Variants in NAV3 observed in about 807,000 individuals in gnomAD.
The protein encoded by NAV3 is pore membrane and/or filament interacting like protein 1.
In NAV3, 87 loss-of-function variants were observed where a neutral mutation model predicts 244.7. That is an observed-to-expected ratio of 0.36 (90% CI 0.30 to 0.42). The LOEUF (loss-of-function observed/expected upper bound fraction) is 0.42, where lower values mean the gene tolerates loss of function less well. NAV3 is among the 20% of genes least tolerant of loss of function. NAV3 has a pLI of 1.00. For synonymous variants in NAV3, 1,126 were observed against 1,042.2 expected (o/e 1.08, Z -1.55); for missense variants, 2,663 against 2,893.3 (o/e 0.92, Z 1.83).
chr12:78,145,028 G>A (rs576286004), intron 20 of NAV3: 5 of 293,866 alleles, frequency 1.7e-5, no homozygotes, highest in Non-Finnish European at 3.4e-5. Flanking sequence ...ATAGTTAATT[G>A]TGCCATATGT....
chr12:77,692,731 C>T (rs1875094185), intron 2 of NAV3, among the ~76,000 whole-genome samples: 1 of 151,714 alleles, frequency 6.6e-6, no homozygotes, highest in Non-Finnish European at 1.5e-5. Flanking sequence ...TGTTAGTTTA[C>T]AAAAGAAATA....
chr12:78,079,116 T>C (rs1200483414), intron 12 of NAV3, among the ~76,000 whole-genome samples: 1 of 152,148 alleles, frequency 6.6e-6, no homozygotes, highest in Non-Finnish European at 1.5e-5. Flanking sequence ...GCCTTGGTGT[T>C]AGAAAGTGTC....
chr12:78,041,595 A>G (rs1341338813), intron 9 of NAV3, among the ~76,000 whole-genome samples: 5 of 152,138 alleles, frequency 3.3e-5, no homozygotes, highest in African/African-American at 1.2e-4. Context: ...TGCTACTGGA[A>G]GGAGCCATCT....
At chr12:77,880,330 G>A (rs1332233618) in intron 1 of NAV3, among the ~76,000 whole-genome samples, 1 of 152,126 alleles carries the variant, frequency 6.6e-6, no homozygotes, top group Non-Finnish European at 1.5e-5. Context: ...CATATAAAAT[G>A]TGATTTTCAG....
In NAV3 at chr12:78,061,770, T is replaced by C. The variant is rs1015054553; in HGVS notation, c.2636+2655T>C. Among the ~76,000 whole-genome samples, 4 of 152,162 alleles carry C rather than the reference T, an allele frequency of 2.6e-5. No homozygotes were observed. The East Asian group carries it at 7.7e-4, about 29-fold the overall frequency. Reference sequence around the variant, plus strand: ...ATTCTGTTATCCATTTCAAGTAGGATAGGCAAGAACAGATATAAGATACTA... The same window carrying C: ...ATTCTGTTATCCATTTCAAGTAGGACAGGCAAGAACAGATATAAGATACTA... On this transcript the variant is annotated intron_variant, in intron 12 of 39. Coordinates refer to ENST00000397909, the MANE Select transcript of NAV3 (RefSeq NM_001024383.2).
chr12:77,876,971 G>T (rs1318451647), intron 1 of NAV3, among the ~76,000 whole-genome samples: 2 of 152,032 alleles, frequency 1.3e-5, no homozygotes, highest in African/African-American at 2.4e-5. Context: ...CAGTACTTAA[G>T]AATTGTCTTA....
intron 2 of NAV3, among the ~76,000 whole-genome samples, chr12:77,694,664 A>G (rs1354313300): frequency 6.6e-6 from 1 of 152,090 alleles, no homozygotes; most frequent in Non-Finnish European, 1.5e-5. Flanking sequence ...GATACTTAAT[A>G]TTGTCAAAAA....
intron 2 of NAV3, 66 bp from the exon 3 acceptor site, chr12:77,941,015 G>A: frequency 9.9e-7 from 1 of 1,008,752 alleles, no homozygotes; most frequent in South Asian, 1.4e-5. Flanking sequence ...TCGTGTGTGT[G>A]TTTCACTTCA....
chr12:77,707,962 T>A (rs1875910977), intron 2 of NAV3, among the ~76,000 whole-genome samples: 2 of 152,060 alleles, frequency 1.3e-5, no homozygotes, highest in African/African-American at 4.8e-5. Flanking sequence ...ATATTAGCCC[T>A]TTGTCAGATG....
At chr12:77,961,183 T>C (rs1175258240) in intron 3 of NAV3, among the ~76,000 whole-genome samples, 1 of 143,578 alleles carries the variant, frequency 7.0e-6, no homozygotes, top group Non-Finnish European at 1.5e-5. Context: ...TAAGACATAT[T>C]TGCAATATAT....
chr12:77,778,766 AT>A (rs1870519027), intron 2 of NAV3, among the ~76,000 whole-genome samples: 1 of 152,186 alleles, frequency 6.6e-6, no homozygotes, highest in Admixed American at 6.5e-5. Context: ...ATCCTCACTA[AT>A]AAATGTTCAC....
At chr12:77,585,768 G>C (rs1403388448) in intron 2 of NAV3, among the ~76,000 whole-genome samples, 1 of 152,208 alleles carries the variant, frequency 6.6e-6, no homozygotes, top group African/African-American at 2.4e-5. Flanking sequence ...CCACAAGCCA[G>C]TACTGGTCCA....
intron 2 of NAV3, among the ~76,000 whole-genome samples, chr12:77,585,045 A>C (rs1364789967): frequency 1.3e-5 from 2 of 152,190 alleles, no homozygotes; most frequent in Non-Finnish European, 2.9e-5. Context: ...AGACAAGATA[A>C]ACCCCGTTCT....
intron 7 of NAV3, among the ~76,000 whole-genome samples, chr12:78,004,646 G>T (rs1372418917): frequency 6.6e-6 from 1 of 152,210 alleles, no homozygotes; most frequent in African/African-American, 2.4e-5. Context: ...TACAGGTGCT[G>T]CCATTTCAGC....
chr12:78,026,350 T>C (rs1210608552), intron 9 of NAV3, among the ~76,000 whole-genome samples: 2 of 152,128 alleles, frequency 1.3e-5, no homozygotes, highest in Non-Finnish European at 2.9e-5. Flanking sequence ...ACCTAGCAAA[T>C]TGTACCCCTC....
At chr12:78,163,943 T>A (rs1957673763) in intron 23 of NAV3, among the ~76,000 whole-genome samples, 1 of 152,104 alleles carries the variant, frequency 6.6e-6, no homozygotes, top group South Asian at 2.1e-4. Context: ...TCTCACCATC[T>A]AGAATGGTAC....
chr12:77,589,556 G>A (rs11105812), intron 2 of NAV3, among the ~76,000 whole-genome samples: 27,859 of 152,078 alleles, frequency 0.18, 2,881 homozygotes, highest in Admixed American at 0.25. Flanking sequence ...CTTCACATGG[G>A]GGCAGGAAGG....
intron 1 of NAV3, among the ~76,000 whole-genome samples, chr12:77,832,363 A>G (rs1197169487): frequency 6.6e-6 from 1 of 152,200 alleles, no homozygotes; most frequent in Non-Finnish European, 1.5e-5. Context: ...GCATACTACA[A>G]CCGTTTTCTC....
intron 1 of NAV3, among the ~76,000 whole-genome samples, chr12:77,909,818 C>T (rs1367548343): frequency 6.6e-6 from 1 of 151,896 alleles, no homozygotes. Context: ...AACATAAAAT[C>T]TTAATGGTAT....
Sources: allele counts gnomAD v4.1 joint callset (sites outside exome capture counted in the v4.1 genomes callset), GRCh38; gene constraint gnomAD v4.1.1; transcripts MANE v1.5; gene names NCBI Gene and HGNC (gene_info 2026-07-23, HGNC 2026-07-21).